Variants in FGD3 observed in about 807,000 individuals in gnomAD.
FGD3 encodes the protein FYVE, RhoGEF and PH domain containing 3, also known as FYVE, RhoGEF and PH domain-containing protein 3.
In FGD3, 45 loss-of-function variants were observed where a neutral mutation model predicts 71.8. The ratio of observed to expected loss-of-function variants is 0.63; its 90% CI spans 0.49 to 0.80. The LOEUF (loss-of-function observed/expected upper bound fraction) is 0.80, where lower values mean the gene tolerates loss of function less well. Among genes scored for constraint, FGD3 ranks in the 30% least tolerant of loss-of-function variants. FGD3 has a pLI of 0.00. For synonymous variants in FGD3, 378 were observed against 392.8 expected (o/e 0.96, Z 0.44); for missense variants, 844 against 951.5 (o/e 0.89, Z 1.49).
Position 93,018,933 on chromosome 9 carries a change from C to T in FGD3, c.1355+718C>T, listed in dbSNP as rs539560179. Among the ~76,000 whole-genome samples, 144 of 152,254 alleles carry T rather than the reference C, an allele frequency of 9.5e-4. 1 individual carries two copies. The highest frequency in any genetic ancestry group is 2.1e-3 in the Admixed American group (32 of 15,282). Reference sequence around the variant, plus strand: ...CAATCTCGGCTCACTGCAACCTCCACCTCCCAGGTTCAAGTGATTCTCCTG... The same window carrying T: ...CAATCTCGGCTCACTGCAACCTCCATCTCCCAGGTTCAAGTGATTCTCCTG... On this transcript the variant is annotated intron_variant, in intron 11 of 17. Transcript: ENST00000375482.
At chr9:92,958,401 ACT>A (rs1191451359) in intron 1 of FGD3, among the ~76,000 whole-genome samples, 1 of 152,048 alleles carries the variant, frequency 6.6e-6, no homozygotes, top group Non-Finnish European at 1.5e-5. Flanking sequence ...ATTCAGAGAC[ACT>A]CTCTTTATCA....
intron 3 of FGD3, among the ~76,000 whole-genome samples, chr9:92,999,524 G>A (rs1016870726): frequency 4.0e-5 from 6 of 151,244 alleles, no homozygotes; most frequent in African/African-American, 9.7e-5. Context: ...GAAATCATCC[G>A]TCTAATGCGT....
At position 93,003,985 on chromosome 9, in the gene FGD3, G is replaced by C. The variant is rs747405516; in HGVS notation, c.544-16G>C. 4 of 1,613,806 alleles carry C rather than the reference G, an allele frequency of 2.5e-6. No individual in the cohort carries two copies. The East Asian group carries it at 8.9e-5, about 36-fold the overall frequency. On this transcript the variant is annotated splice_polypyrimidine_tract_variant and intron_variant, in intron 4 of 17. Transcript: ENST00000375482. This position sits in a 1 kb window ranked among gnomAD's most constrained non-coding sequence, Gnocchi z 4.1. ...GAAGAGGCTCACTGGCCACACGTGGGCTTCTCTATGCTCAGGTTTTCTGCA... is the reference window on the plus strand; with the variant it reads ...GAAGAGGCTCACTGGCCACACGTGGCCTTCTCTATGCTCAGGTTTTCTGCA...
At position 93,003,318 on chromosome 9, in the gene FGD3, G is replaced by A. The variant is rs1462049926; in HGVS notation, c.543+304G>A. Among the ~76,000 whole-genome samples, 1 of 151,966 alleles carries A rather than the reference G, an allele frequency of 6.6e-6. No homozygotes were observed. The highest frequency in any genetic ancestry group is 1.5e-5 in the Non-Finnish European group (1 of 67,980). ...TAATTTTTGTATTTATAGTAGAGAC[G>A]GGGTTTCACCATATTTGTCAGGCTG... On this transcript the variant is annotated intron_variant, in intron 4 of 17. Transcript: ENST00000375482. This position sits in a 1 kb window ranked among gnomAD's most constrained non-coding sequence, Gnocchi z 4.1.
chr9:92,984,244 A>C (rs181232811), intron 3 of FGD3, among the ~76,000 whole-genome samples: 52 of 152,294 alleles, frequency 3.4e-4, no homozygotes, highest in African/African-American at 1.3e-3. Context: ...TTCTGACTTG[A>C]CCTAAACATC....
At chr9:92,971,528 GA>G (rs1365733800) in intron 1 of FGD3, among the ~76,000 whole-genome samples, 3 of 145,696 alleles carry the variant, frequency 2.1e-5, no homozygotes, top group Non-Finnish European at 3.0e-5. Flanking sequence ...GTTCAAAGGC[GA>G]TAAGGGTGGG....
At chr9:92,968,149 C>T (rs1011516846) in intron 1 of FGD3, among the ~76,000 whole-genome samples, 10 of 152,006 alleles carry the variant, frequency 6.6e-5, no homozygotes, top group Non-Finnish European at 8.8e-5. Flanking sequence ...AGGTAGATAC[C>T]CCCCGCCCAC....
At chr9:92,961,470 G>A (rs972505305) in intron 1 of FGD3, among the ~76,000 whole-genome samples, 1 of 152,224 alleles carries the variant, frequency 6.6e-6, no homozygotes, top group African/African-American at 2.4e-5. Flanking sequence ...GAAATAATTG[G>A]TCAGAGAAAT....
At chr9:92,950,894 G>A (rs2118491988) in intron 1 of FGD3, among the ~76,000 whole-genome samples, 2 of 152,362 alleles carry the variant, frequency 1.3e-5, no homozygotes, top group East Asian at 3.9e-4. Flanking sequence ...TGGAGCCAGG[G>A]TCCTTGTTGT....
At chr9:92,950,108 AG>A (rs1226885027) in intron 1 of FGD3, among the ~76,000 whole-genome samples, 1 of 150,202 alleles carries the variant, frequency 6.7e-6, no homozygotes, top group Non-Finnish European at 1.5e-5. Context: ...TTCAGCATAG[AG>A]TGCAAAGGAT....
chr9:93,030,011 AG>A lies in FGD3; in HGVS notation c.1680+20del. On this transcript the variant is annotated intron_variant, in intron 15 of 17. Transcript: ENST00000375482. ...TGTGTGGGGCGGTGAGTCCCGGGAG[AG>A]GGGGACAGGGACAGGAGGCCACCCT... The A allele has an allele frequency of 6.2e-7, 1 of 1,609,180 alleles. No individual in the cohort carries two copies.
chr9:92,975,757 C>A (rs1194191992), intron 2 of FGD3, among the ~76,000 whole-genome samples: 3 of 151,974 alleles, frequency 2.0e-5, no homozygotes, highest in Non-Finnish European at 4.4e-5. Flanking sequence ...GGGCTGTTTT[C>A]TGACCTGTCC....
chr9:92,951,811 G>T (rs999061641), intron 1 of FGD3, among the ~76,000 whole-genome samples: 3 of 152,176 alleles, frequency 2.0e-5, no homozygotes, highest in African/African-American at 7.2e-5. Context: ...TAAACTGAAT[G>T]AATAAAACTG....
At chr9:92,953,025 G>C (rs555032867) in intron 1 of FGD3, among the ~76,000 whole-genome samples, 19 of 152,294 alleles carry the variant, frequency 1.2e-4, no homozygotes, top group African/African-American at 4.6e-4. Context: ...GTCTGGATTG[G>C]ACATGGAGTG....
At chr9:93,010,914 G>A (rs535529231) in intron 7 of FGD3, among the ~76,000 whole-genome samples, 1 of 152,222 alleles carries the variant, frequency 6.6e-6, no homozygotes, top group African/African-American at 2.4e-5. Context: ...AGGGCTGGTG[G>A]GGGCTGCTCC....
chr9:92,957,477 T>C (rs191347974), intron 1 of FGD3, among the ~76,000 whole-genome samples: 1 of 152,198 alleles, frequency 6.6e-6, no homozygotes, highest in Non-Finnish European at 1.5e-5. Context: ...CACCAGCTCA[T>C]ATACTTATTG....
chr9:92,973,092 T>C (rs1368827679), intron 1 of FGD3, among the ~76,000 whole-genome samples: 1 of 150,522 alleles, frequency 6.6e-6, no homozygotes, highest in Non-Finnish European at 1.5e-5. Flanking sequence ...TTATAGTCCC[T>C]TTTATGCCTG....
Position 93,008,990 on chromosome 9 carries a change from C to T in FGD3, c.838-1256C>T, listed in dbSNP as rs572597889. 2.1e-4 allele frequency among the ~76,000 whole-genome samples: 31 copies of T among 148,614 alleles called. No homozygotes were observed. In the East Asian group the frequency reaches 3.0e-3, roughly 14 times the overall value. On this transcript the variant is annotated intron_variant, in intron 6 of 17. Transcript: ENST00000375482. ...AAAAAAAAAAAAAGTTTTGGCCAGG[C>T]GCGATGGCTCACGCTTGTAATCCTA... is the stretch of plus-strand genomic sequence containing the variant.
At chr9:92,996,442 A>AT (rs1371510434) in intron 3 of FGD3, among the ~76,000 whole-genome samples, 1 of 151,520 alleles carries the variant, frequency 6.6e-6, no homozygotes, top group Non-Finnish European at 1.5e-5. Context: ...GGATTCATTG[A>AT]TTTTTTTGAA....
Sources: gnomAD v4.1 joint callset for allele counts (sites outside exome capture counted in the v4.1 genomes callset) on GRCh38, gnomAD v4.1.1 for gene constraint, Gnocchi (gnomAD v3.1) non-coding constraint, MANE v1.5 for transcripts, NCBI Gene and HGNC (gene_info 2026-07-23, HGNC 2026-07-21) for gene names.